Variants in TOGARAM1 observed in about 807,000 individuals in gnomAD.
The protein encoded by TOGARAM1 is TOG array regulator of axonemal microtubules protein 1.
A neutral mutation model predicts 166.6 loss-of-function variants in TOGARAM1; 100 were observed. That is an observed-to-expected ratio of 0.60 (90% CI 0.51 to 0.71). The LOEUF is 0.71. Ranked by LOEUF, TOGARAM1 falls within the 30% of genes least tolerant of loss-of-function variation. The pLI is 0.00. For synonymous variants in TOGARAM1, 758 were observed against 763.8 expected (o/e 0.99, Z 0.13); for missense variants, 2,029 against 2,102.7 (o/e 0.96, Z 0.69).
intron 13 of TOGARAM1, 109 bp from the exon 14 acceptor site, chr14:45,046,435 CA>C: frequency 2.0e-6 from 2 of 1,023,616 alleles, no homozygotes; most frequent in Non-Finnish European, 2.5e-6. Flanking sequence ...GACCCTGTCC[CA>C]AAAAACAAAA....
At chr14:45,012,237 T>A (rs1879851089) in intron 7 of TOGARAM1, among the ~76,000 whole-genome samples, 162 bp downstream of exon 7, 2 of 152,228 alleles carry the variant, frequency 1.3e-5, no homozygotes, top group Non-Finnish European at 2.9e-5. Flanking sequence ...AATATGATAT[T>A]GTTTTGGAAG....
rs375633921 is a variant in TOGARAM1 at position 45,046,651 on chromosome 14, C to A, written c.4261C>A (p.Arg1421Ser). The change falls in exon 14 of 20, where the codon CGC (arginine) becomes AGC (serine). Residue 1421 changes from arginine to serine, a missense_variant. Arg to Ser is a moderately radical substitution (Grantham distance 110, BLOSUM62 -1). Coordinates refer to ENST00000361462, the MANE Select transcript of TOGARAM1 (RefSeq NM_001308120.2). The part of the protein sequence containing the change: ...ILSAAKDMAE[R>S]ILPAAAKFAQ... ...ATCTGCAGCAAAGGATATGGCTGAA[C>A]GCATATTACCAGCTGCTGCTAAGTT... is the stretch of plus-strand genomic sequence containing the variant. 7.4e-7 allele frequency: 1 copy of A among 1,351,804 alleles called. No homozygotes were observed. The allele number at this position is 1,351,804 out of a possible 1,614,324, so 83.7% of individuals were successfully genotyped here. A position where few individuals can be genotyped will look rare whatever the true frequency, so the allele number is the denominator to read the frequency against.
chr14:45,005,220 T>C (rs1388268446), intron 4 of TOGARAM1, among the ~76,000 whole-genome samples: 1 of 151,958 alleles, frequency 6.6e-6, no homozygotes, highest in Non-Finnish European at 1.5e-5. Context: ...GGCTGAAACA[T>C]TTTTTATTAT....
chr14:45,018,242 A>AT lies in TOGARAM1; in HGVS notation c.3238+6178dup, dbSNP rs569953601. 6.2e-4 allele frequency among the ~76,000 whole-genome samples: 92 copies of AT among 147,452 alleles called. No individual in the cohort carries two copies. In the East Asian group the frequency reaches 8.1e-3, roughly 13 times the overall value. ...CAACTTCTGTACTATGTTATTTCTG[A>AT]TTTTTTTTTTTCTTTTTTGAAACAG... is the stretch of plus-strand genomic sequence containing the variant. On this transcript the variant is annotated intron_variant, in intron 7 of 19. Coordinates refer to ENST00000361462, the MANE Select transcript of TOGARAM1 (RefSeq NM_001308120.2).
chr14:45,065,495 T>C (rs930911115), intron 16 of TOGARAM1, among the ~76,000 whole-genome samples: 3 of 152,244 alleles, frequency 2.0e-5, no homozygotes, highest in African/African-American at 7.2e-5. Flanking sequence ...AAAGCTGTCC[T>C]GGGCTGCATG....
intron 10 of TOGARAM1, among the ~76,000 whole-genome samples, chr14:45,030,835 C>T (rs186720937): frequency 1.3e-5 from 2 of 152,050 alleles, no homozygotes; most frequent in Non-Finnish European, 2.9e-5. Context: ...CCTGCCTCTC[C>T]CACTCATTAG....
chr14:45,004,116 A>G lies in TOGARAM1; in HGVS notation c.2394A>G (p.Thr798=). 6.2e-7 allele frequency: 1 copy of G among 1,614,124 alleles called. No homozygotes were observed. Among genetic ancestry groups the G allele is most frequent in the Non-Finnish European group, 8.5e-7 (1 of 1,179,998 alleles). The part of the protein sequence containing the change: ...SKTQQTFGSQ[T]ECTSSNGQNP... ...CACAGCAAACATTTGGTAGTCAAACAGAGTGTACTTCCTCAAATGGTCAAA... is the reference window on the plus strand; with the variant it reads ...CACAGCAAACATTTGGTAGTCAAACGGAGTGTACTTCCTCAAATGGTCAAA... The change falls in exon 4 of 20, where the codon ACA becomes ACG. Residue 798 remains threonine (T), a synonymous_variant. Coordinates refer to ENST00000361462, the MANE Select transcript of TOGARAM1 (RefSeq NM_001308120.2).
chr14:45,014,541 G>A (rs932550842), intron 7 of TOGARAM1, among the ~76,000 whole-genome samples: 5 of 152,034 alleles, frequency 3.3e-5, no homozygotes, highest in Non-Finnish European at 5.9e-5. Flanking sequence ...TTTGTTTTCA[G>A]TAAACAAGTG....
chr14:45,009,331 G>T (rs1337549718), intron 6 of TOGARAM1, among the ~76,000 whole-genome samples, 186 bp downstream of exon 6: 1 of 152,142 alleles, frequency 6.6e-6, no homozygotes, highest in East Asian at 1.9e-4. Flanking sequence ...TGGTGTGAGT[G>T]GAAAGAGAAC....
chr14:44,970,521 A>G (rs1885825095), intron 1 of TOGARAM1, among the ~76,000 whole-genome samples: 1 of 152,118 alleles, frequency 6.6e-6, no homozygotes, highest in Admixed American at 6.5e-5. Context: ...CCCAATCTGT[A>G]TACTTTTTAT....
In TOGARAM1 at chr14:44,964,212, CG is replaced by C; in HGVS notation, c.1796del (p.Gly599ValfsTer32). On this transcript the variant is annotated frameshift_variant, in exon 1 of 20. Coordinates refer to ENST00000361462, the MANE Select transcript of TOGARAM1 (RefSeq NM_001308120.2). LOFTEE classifies it high-confidence loss of function. ...ATGCAGTACTGATGCCATCTTCTGC[CG>C]GGGGTAGGTCAAACCATTTGGCACA... ...EYAVLMPSSA[G>X]GRSNHLAHGA... 1 of 1,614,086 alleles carries C rather than the reference CG, an allele frequency of 6.2e-7. No homozygotes were observed. The highest frequency in any genetic ancestry group is 8.5e-7 in the Non-Finnish European group (1 of 1,180,020).
chr14:45,002,958 G>A (rs899704112), intron 3 of TOGARAM1, among the ~76,000 whole-genome samples: 6 of 151,930 alleles, frequency 3.9e-5, no homozygotes, highest in Admixed American at 6.6e-5. Flanking sequence ...CAGCCTGGGC[G>A]ACAGAGCGAG....
At chr14:44,982,986 G>C (rs1594619829) in intron 1 of TOGARAM1, among the ~76,000 whole-genome samples, 1 of 152,124 alleles carries the variant, frequency 6.6e-6, no homozygotes, top group South Asian at 2.1e-4. Flanking sequence ...TGAAAGAAAA[G>C]ACCAAGCAAG....
At position 45,006,257 on chromosome 14, in the gene TOGARAM1, A is replaced by C; in HGVS notation, c.2894A>C (p.Asp965Ala). 1 of 1,609,684 alleles carries C rather than the reference A, an allele frequency of 6.2e-7. No individual in the cohort carries two copies. The highest frequency in any genetic ancestry group is 1.1e-5 in the South Asian group (1 of 90,582). The change falls in exon 5 of 20, where the codon GAT becomes GCT. Residue 965 changes from aspartate (D) to alanine (A), a missense_variant. Physicochemically the swap from Asp to Ala is moderately radical, Grantham distance 126. Around this residue, in one of 2 missense-constraint regions of TOGARAM1, gnomAD observed 1,453 missense variants for 1,432.2 expected, o/e 1.01. Transcript: ENST00000361462. ...TTAAATTTCAAGGATAAAGATTTGG[A>C]TCAAGAAGAGGTTAGAACCAAATAT... is the stretch of plus-strand genomic sequence containing the variant. ...SELNFKDKDL[D>A]QEEMHSSLRS... is the part of the protein sequence containing the mutation.
intron 1 of TOGARAM1, among the ~76,000 whole-genome samples, chr14:44,992,086 AAAAAAAAAAAAAAAACCAAACC>A (rs1193953839): frequency 1.3e-5 from 2 of 148,950 alleles, no homozygotes; most frequent in East Asian, 3.9e-4. Flanking sequence ...AAAAAAAAAA[AAAAAAAAAAAAAAAACCAAACC>A]AAAAAAAAAA....
intron 16 of TOGARAM1, among the ~76,000 whole-genome samples, chr14:45,061,038 G>T (rs1882880774): frequency 6.6e-6 from 1 of 151,920 alleles, no homozygotes; most frequent in Admixed American, 6.6e-5. Flanking sequence ...TTAGTACATG[G>T]TTTTTTGCCT....
intron 1 of TOGARAM1, among the ~76,000 whole-genome samples, chr14:44,966,966 TAAAAC>T (rs1007266016): frequency 1.3e-5 from 2 of 151,798 alleles, no homozygotes; most frequent in Admixed American, 1.3e-4. Context: ...AAAAACAAAA[TAAAAC>T]AAAACAAGAG....
At chr14:44,984,784 T>A (rs1594621771) in intron 1 of TOGARAM1, among the ~76,000 whole-genome samples, 1 of 150,768 alleles carries the variant, frequency 6.6e-6, no homozygotes, top group East Asian at 1.9e-4. Context: ...CTAAAAAAAA[T>A]AAAAATAATT....
chr14:45,021,475 G>A (rs1880502842), intron 7 of TOGARAM1, among the ~76,000 whole-genome samples: 1 of 152,286 alleles, frequency 6.6e-6, no homozygotes. Flanking sequence ...ACAGTAAAGA[G>A]AAAAATATGA....
Sources: allele counts gnomAD v4.1 joint callset (sites outside exome capture counted in the v4.1 genomes callset), GRCh38; gene constraint gnomAD v4.1.1; regional missense constraint gnomAD v4.1.1; transcripts MANE v1.5; gene names NCBI Gene and HGNC (gene_info 2026-07-23, HGNC 2026-07-21).